The following EPB41 variants were observed in gnomAD, a reference collection of about 807,000 sequenced individuals.
EPB41 encodes protein 4.1.
A neutral mutation model predicts 108.0 loss-of-function variants in EPB41; 65 were observed. The observed-to-expected ratio is 0.60, with a 90% CI of 0.49 to 0.74. The LOEUF is 0.74. EPB41 is among the 30% of genes least tolerant of loss of function. The pLI, the probability that EPB41 is intolerant of heterozygous loss-of-function variation, is 0.00. For missense variants in EPB41, 875 were observed against 1,037.0 expected (o/e 0.84, Z 2.15); for synonymous variants, 336 against 358.9 (o/e 0.94, Z 0.72).
In EPB41 at chr1:29,015,679, T is replaced by C. The variant is rs376957446; in HGVS notation, c.830-13T>C. ...GGTATAAACGTAAAATTCTTTTGTGTTTATTTTTATAGGTGTCCCTTGGAA... is the reference window on the plus strand; with the variant it reads ...GGTATAAACGTAAAATTCTTTTGTGCTTATTTTTATAGGTGTCCCTTGGAA... On this transcript the variant is annotated splice_polypyrimidine_tract_variant and intron_variant, in intron 5 of 20. Transcript: ENST00000343067. 7 of 1,569,976 alleles carry C rather than the reference T, an allele frequency of 4.5e-6. No individual in the cohort carries two copies. Among genetic ancestry groups the C allele is most frequent in the Non-Finnish European group, 6.1e-6 (7 of 1,140,864 alleles).
At chr1:29,029,762 T>C (rs1017631257) in intron 7 of EPB41, among the ~76,000 whole-genome samples, 1 of 152,192 alleles carries the variant, frequency 6.6e-6, no homozygotes, top group Non-Finnish European at 1.5e-5. Flanking sequence ...AATGAAGACA[T>C]ATTAATAACA....
chr1:29,047,882 C>G (rs997130352), intron 11 of EPB41, among the ~76,000 whole-genome samples: 2 of 151,886 alleles, frequency 1.3e-5, no homozygotes, highest in African/African-American at 4.8e-5. Context: ...CTCCCAAGTT[C>G]AAGCGATTCT....
intron 17 of EPB41, among the ~76,000 whole-genome samples, chr1:29,098,320 G>A (rs974821694): frequency 2.0e-5 from 3 of 151,628 alleles, no homozygotes; most frequent in Admixed American, 1.3e-4. Flanking sequence ...TCAGCCTCCC[G>A]AGTAGCTGGG....
intron 15 of EPB41, among the ~76,000 whole-genome samples, chr1:29,062,652 GTTT>G (rs1341542952): frequency 6.9e-6 from 1 of 144,288 alleles, no homozygotes; most frequent in Admixed American, 7.0e-5. Context: ...ACTCCAGCAG[GTTT>G]TTTTTTTTTT....
chr1:28,894,281 G>A (rs2090441221), intron 1 of EPB41, among the ~76,000 whole-genome samples: 1 of 152,204 alleles, frequency 6.6e-6, no homozygotes, highest in African/African-American at 2.4e-5. Context: ...CGTAGTAGGT[G>A]CTCACTGAAT....
At chr1:29,089,587 A>G (rs1311894187) in intron 16 of EPB41, among the ~76,000 whole-genome samples, 2 of 152,216 alleles carry the variant, frequency 1.3e-5, no homozygotes, top group Non-Finnish European at 2.9e-5. Context: ...ATCTAGAAGA[A>G]ATGACAGTTG....
In EPB41 at chr1:28,914,714, T is replaced by G; in HGVS notation, c.-62T>G. 1 of 151,950 alleles carries G rather than the reference T, an allele frequency of 6.6e-6. No homozygotes were observed. The highest frequency in any genetic ancestry group is 2.4e-5 in the African/African-American group (1 of 41,314). 9.4% of individuals were successfully genotyped at this position (151,950 alleles called of 1,614,324 possible). On this transcript the variant is annotated 5_prime_UTR_variant, in exon 1 of 21. Transcript: ENST00000343067. ...CGGACGCCGGCGCCTCCTCCTGCCA[T>G]TGTTCGTCGGGCTGCAGCAGTGGCG...
rs1671602302 is a variant in EPB41 at position 29,119,793 on chromosome 1, G to A, written c.*2981G>A. ...AAATCTCTCTCAAATGTATTATTTT[G>A]GTGACAAAAATGAAGGAGCTTTGTA... On this transcript the variant is annotated 3_prime_UTR_variant, in exon 21 of 21. Transcript: ENST00000343067. 1 of 146,498 alleles carries A rather than the reference G, an allele frequency of 6.8e-6. No individual in the cohort carries two copies. Among genetic ancestry groups the A allele is most frequent in the Admixed American group, 7.0e-5 (1 of 14,192 alleles). The allele number at this position is 146,498 out of a possible 1,614,324, so 9.1% of individuals were successfully genotyped here.
rs541716146 is a variant in EPB41 at position 28,978,821 on chromosome 1, C to T, written c.-7-8610C>T. On this transcript the variant is annotated intron_variant, in intron 1 of 20. Transcript: ENST00000343067. ...GCTTCTCAGCCTTTGGACTCAAGGACTTATACCAGTAGCCCCTCCAGGTCT... is the reference window on the plus strand; with the variant it reads ...GCTTCTCAGCCTTTGGACTCAAGGATTTATACCAGTAGCCCCTCCAGGTCT... Among the ~76,000 whole-genome samples the T allele has an allele frequency of 2.7e-3, 403 of 151,540 alleles. 7 individuals carry two copies. The highest frequency in any genetic ancestry group is 4.5e-3 in the Non-Finnish European group (304 of 67,986).
intron 15 of EPB41, among the ~76,000 whole-genome samples, chr1:29,062,682 C>A (rs1443907621): frequency 6.6e-6 from 1 of 151,676 alleles, no homozygotes; most frequent in South Asian, 2.1e-4. Context: ...CCCTCCTCCC[C>A]CTTCTCCTAC....
At chr1:28,929,609 G>A (rs528615018) in intron 1 of EPB41, among the ~76,000 whole-genome samples, 3 of 151,634 alleles carry the variant, frequency 2.0e-5, no homozygotes, top group South Asian at 2.1e-4. Flanking sequence ...TTGGCTCACC[G>A]CAATCTCTGC....
chr1:28,977,928 G>A (rs1023240403), intron 1 of EPB41, among the ~76,000 whole-genome samples: 7 of 151,612 alleles, frequency 4.6e-5, no homozygotes, highest in African/African-American at 1.5e-4. Context: ...AAGTATCAGT[G>A]AGCTTTATCA....
intron 16 of EPB41, among the ~76,000 whole-genome samples, chr1:29,078,997 A>ATT (rs541446416): frequency 2.1e-5 from 3 of 144,094 alleles, no homozygotes; most frequent in Non-Finnish European, 3.1e-5. Flanking sequence ...AAGTAAAATG[A>ATT]TTTTTTTTTT....
chr1:29,057,331 G>A (rs547754276), intron 12 of EPB41, among the ~76,000 whole-genome samples: 5 of 125,668 alleles, frequency 4.0e-5, no homozygotes, highest in Non-Finnish European at 6.3e-5. Flanking sequence ...AGCCGAGATC[G>A]CACCTGCACT....
intron 1 of EPB41, among the ~76,000 whole-genome samples, chr1:28,964,872 C>A (rs2149206917): frequency 6.6e-6 from 1 of 152,258 alleles, no homozygotes; most frequent in East Asian, 1.9e-4. Context: ...ATGCCCTCTC[C>A]TCCTTTCGTC....
chr1:29,060,495 A>G lies in EPB41; in HGVS notation c.2007+11A>G. 2.5e-6 allele frequency: 4 copies of G among 1,609,986 alleles called. No individual in the cohort carries two copies. Among genetic ancestry groups the G allele is most frequent in the Non-Finnish European group, 3.4e-6 (4 of 1,176,362 alleles). On this transcript the variant is annotated intron_variant, in intron 15 of 20. Coordinates refer to ENST00000343067, the MANE Select transcript of EPB41 (RefSeq NM_001376013.1). ...AATTTAATGTTGGAGGTTTGTATGA[A>G]CTTGAAGCTTATTTCAGTTGGTTGC...
At chr1:29,040,623 T>C (rs960060339) in intron 11 of EPB41, among the ~76,000 whole-genome samples, 4 of 152,116 alleles carry the variant, frequency 2.6e-5, no homozygotes, top group Non-Finnish European at 5.9e-5. Context: ...GTGGCAATTA[T>C]GGATAGGAAA....
intron 3 of EPB41, among the ~76,000 whole-genome samples, chr1:28,995,661 G>A (rs919018408): frequency 6.6e-6 from 1 of 152,226 alleles, no homozygotes; most frequent in African/African-American, 2.4e-5. Context: ...AGCAGTGTCT[G>A]TAGCAGCACC....
intron 16 of EPB41, chr1:29,069,796 C>G (rs534689081): frequency 6.6e-6 from 1 of 152,476 alleles, no homozygotes; most frequent in South Asian, 2.1e-4. Context: ...GCCTCAGCCT[C>G]CTGAGTAGCT....
Sources: gnomAD v4.1 joint callset for allele counts (sites outside exome capture counted in the v4.1 genomes callset) on GRCh38, gnomAD v4.1.1 for gene constraint, MANE v1.5 for transcripts, NCBI Gene and HGNC (gene_info 2026-07-23, HGNC 2026-07-21) for gene names.